RBFOX1: variants seen among roughly 807,000 people sequenced by gnomAD.
RBFOX1 encodes RNA binding protein fox-1 homolog 1.
A neutral mutation model predicts 57.7 loss-of-function variants in RBFOX1; 8 were observed. That is an observed-to-expected ratio of 0.14 (90% CI 0.08 to 0.25). The LOEUF (loss-of-function observed/expected upper bound fraction) is 0.25. RBFOX1 is among the 10% of genes least tolerant of loss of function. The probability of loss-of-function intolerance (pLI) is 1.00; values close to 1 mark genes in which losing one functional copy is unlikely to be tolerated. For missense variants in RBFOX1, 611 were observed against 548.5 expected, an observed-to-expected ratio of 1.11 and a Z score of -1.14; for synonymous variants, 326 against 222.4, an observed-to-expected ratio of 1.47 and a Z score of -4.15.
chr16:5,523,917 C>T (rs928817326), intron 2 of RBFOX1, among the ~76,000 whole-genome samples: 9 of 152,082 alleles, frequency 5.9e-5, no homozygotes, highest in African/African-American at 2.2e-4. Flanking sequence ...CAGGGACGGA[C>T]CAGAAGGTTA....
At chr16:6,530,713 G>C (rs902297351) in intron 2 of RBFOX1, among the ~76,000 whole-genome samples, 7 of 151,042 alleles carry the variant, frequency 4.6e-5, no homozygotes, top group East Asian at 2.0e-4. Flanking sequence ...GGTGAAGAGA[G>C]AGAGCTTCTG....
chr16:6,030,905 A>G (rs1031922414), intron 1 of RBFOX1, among the ~76,000 whole-genome samples: 3 of 152,158 alleles, frequency 2.0e-5, no homozygotes, highest in African/African-American at 4.8e-5. Flanking sequence ...AGGCACTGTT[A>G]GGCACTGGGG....
chr16:5,508,639 G>A (rs1318544671), intron 2 of RBFOX1, among the ~76,000 whole-genome samples: 1 of 151,992 alleles, frequency 6.6e-6, no homozygotes, highest in East Asian at 1.9e-4. Context: ...GGACTGCACA[G>A]AGCGATTGTA....
intron 1 of RBFOX1, among the ~76,000 whole-genome samples, chr16:6,021,398 T>G (rs566260004): frequency 6.6e-6 from 1 of 152,260 alleles, no homozygotes; most frequent in East Asian, 1.9e-4. Flanking sequence ...AATTTTTAAG[T>G]GACCACAGAG....
chr16:5,692,637 G>A (rs1008721939), intron 3 of RBFOX1, among the ~76,000 whole-genome samples: 2 of 152,124 alleles, frequency 1.3e-5, no homozygotes, highest in Non-Finnish European at 2.9e-5. Context: ...CAGGAGGTGA[G>A]TACGTACACA....
intron 4 of RBFOX1, among the ~76,000 whole-genome samples, chr16:7,282,695 C>G (rs1320243384): frequency 1.3e-5 from 2 of 152,156 alleles, no homozygotes; most frequent in Non-Finnish European, 2.9e-5. Context: ...GCAGTATACA[C>G]TGCACCCAGT....
At position 7,676,810 on chromosome 16, in the gene RBFOX1, C is replaced by T. The variant is rs143708516; in HGVS notation, c.967C>T (p.Pro323Ser). 1.2e-6 allele frequency: 2 copies of T among 1,613,316 alleles called. No homozygotes were observed. The highest frequency in any genetic ancestry group is 1.7e-6 in the Non-Finnish European group (2 of 1,179,444). ...TGCATACCGCTACGCCCAGCCTACC[C>T]CTGCCACTGCCGCTGCCTACAGTGA... ...YAAYRYAQPTPATAAAYSDSY... is the reference protein window; with the variant it reads ...YAAYRYAQPTSATAAAYSDSY... The change falls in exon 14 of 16, where the codon CCT becomes TCT. Residue 323 changes from proline (P) to serine (S), a missense_variant. Transcript: ENST00000550418.
intron 1 of RBFOX1, among the ~76,000 whole-genome samples, chr16:6,071,214 G>C (rs567348246): frequency 6.6e-6 from 1 of 152,130 alleles, no homozygotes; most frequent in African/African-American, 2.4e-5. Context: ...CCAGCTGCTT[G>C]GGAGGCTGAG....
chr16:5,715,785 G>T (rs60867839), intron 3 of RBFOX1, among the ~76,000 whole-genome samples: 3 of 152,192 alleles, frequency 2.0e-5, no homozygotes, highest in Non-Finnish European at 4.4e-5. Context: ...GCGAGTAGGA[G>T]TACTGGCTAC....
intron 2 of RBFOX1, among the ~76,000 whole-genome samples, chr16:6,543,840 C>A (rs756671274): frequency 6.6e-6 from 1 of 152,026 alleles, no homozygotes; most frequent in Non-Finnish European, 1.5e-5. Flanking sequence ...TTTCCAGATA[C>A]ACCTGCATGA....
chr16:5,750,291 C>T (rs529630293), intron 3 of RBFOX1, among the ~76,000 whole-genome samples: 4 of 152,198 alleles, frequency 2.6e-5, no homozygotes, highest in African/African-American at 7.2e-5. Context: ...GGGGGTGCCT[C>T]CCAGTTAGGC....
intron 3 of RBFOX1, among the ~76,000 whole-genome samples, chr16:7,041,167 C>T (rs1031769500): frequency 2.0e-5 from 3 of 148,610 alleles, no homozygotes; most frequent in African/African-American, 7.5e-5. Flanking sequence ...AACATCTGAC[C>T]TCATGATCCA....
At chr16:7,428,536 A>ATTATTG (rs1211294437) in intron 4 of RBFOX1, among the ~76,000 whole-genome samples, 2 of 142,216 alleles carry the variant, frequency 1.4e-5, no homozygotes, top group Non-Finnish European at 3.1e-5. Flanking sequence ...TATTATTATT[A>ATTATTG]TTATTTGTAG....
At chr16:5,323,217 T>C (rs749936456) in intron 1 of RBFOX1, among the ~76,000 whole-genome samples, 1 of 152,248 alleles carries the variant, frequency 6.6e-6, no homozygotes, top group Admixed American at 6.5e-5. Flanking sequence ...TCAGTACCTA[T>C]GAGTAAAATG....
chr16:5,246,920 C>G (rs563709564), intron 1 of RBFOX1, among the ~76,000 whole-genome samples: 1 of 152,184 alleles, frequency 6.6e-6, no homozygotes, highest in Non-Finnish European at 1.5e-5. Flanking sequence ...ATCTGCCGGC[C>G]TCAGCCTCCC....
At chr16:6,583,369 C>G (rs985498132) in intron 2 of RBFOX1, among the ~76,000 whole-genome samples, 2 of 152,140 alleles carry the variant, frequency 1.3e-5, no homozygotes, top group Non-Finnish European at 2.9e-5. Flanking sequence ...CCTGCTGATG[C>G]CAAACAAGAG....
chr16:5,417,970 G>A (rs1169320916), intron 1 of RBFOX1, among the ~76,000 whole-genome samples: 1 of 152,070 alleles, frequency 6.6e-6, no homozygotes, highest in Non-Finnish European at 1.5e-5. Flanking sequence ...AATCCCAGCT[G>A]CTGAGGAGTC....
chr16:7,556,902 T>A (rs1247116228), intron 5 of RBFOX1, among the ~76,000 whole-genome samples: 1 of 152,228 alleles, frequency 6.6e-6, no homozygotes, highest in East Asian at 1.9e-4. Flanking sequence ...AATTACTAAG[T>A]CATTTTAATA....
chr16:6,376,082 C>T (rs1322491582), intron 2 of RBFOX1, among the ~76,000 whole-genome samples: 1 of 152,148 alleles, frequency 6.6e-6, no homozygotes, highest in Non-Finnish European at 1.5e-5. Context: ...ACCAAGCCCC[C>T]ATCCATGATT....
Sources: allele counts gnomAD v4.1 joint callset (sites outside exome capture counted in the v4.1 genomes callset), GRCh38; gene constraint gnomAD v4.1.1; transcripts MANE v1.5; gene names NCBI Gene and HGNC (gene_info 2026-07-23, HGNC 2026-07-21).